POMGNT2: variants seen among roughly 807,000 people sequenced by gnomAD.
POMGNT2 encodes protein O-linked-mannose beta-1,4-N-acetylglucosaminyltransferase 2.
In POMGNT2, 32 loss-of-function variants were observed where a neutral mutation model predicts 37.8. That is an observed-to-expected ratio of 0.85 (90% CI 0.64 to 1.14). The LOEUF (loss-of-function observed/expected upper bound fraction) is 1.14. POMGNT2 is among the 50% of genes most tolerant of loss of function. The pLI is 0.00. For synonymous variants in POMGNT2, 340 were observed against 336.8 expected, an observed-to-expected ratio of 1.01 and a Z score of -0.10; for missense variants, 705 against 780.6, an observed-to-expected ratio of 0.90 and a Z score of 1.15.
chr3:43,100,532 A>C (rs187611725), intron 1 of POMGNT2, among the ~76,000 whole-genome samples: 41 of 152,370 alleles, frequency 2.7e-4, no homozygotes, highest in Admixed American at 9.8e-4. Context: ...TAAGTTGAAG[A>C]AATCAGGCCC....
intron 1 of POMGNT2, among the ~76,000 whole-genome samples, chr3:43,100,242 C>A (rs183137783): frequency 1.1e-4 from 17 of 151,196 alleles, no homozygotes; most frequent in East Asian, 7.7e-4. Flanking sequence ...CAAAAATATT[C>A]AAAAAAAACT....
rs2125699030 is a variant in POMGNT2 at position 43,079,534 on chromosome 3, G to A, written c.*155C>T. On this transcript the variant is annotated 3_prime_UTR_variant, in exon 2 of 2. Transcript: ENST00000344697. Reference sequence around the variant, plus strand: ...TCCCTTATCTCTAGGGCAAAGAGGAGTGCTGTGACACCACACCCCAGAGAC... The same window carrying A: ...TCCCTTATCTCTAGGGCAAAGAGGAATGCTGTGACACCACACCCCAGAGAC... The A allele has an allele frequency of 1.5e-6, 1 of 651,288 alleles. No homozygotes were observed. Among genetic ancestry groups the A allele is most frequent in the Middle Eastern group, 4.2e-4 (1 of 2,388 alleles). The allele number at this position is 651,288 out of a possible 1,614,324, so 40.3% of individuals were successfully genotyped here.
In POMGNT2 at chr3:43,081,237, T is replaced by C. The variant is rs199992681; in HGVS notation, c.195A>G (p.Thr65=). 195 of 1,613,876 alleles carry C rather than the reference T, an allele frequency of 1.2e-4. 1 individual carries two copies. The highest frequency in any genetic ancestry group is 3.1e-4 in the South Asian group (28 of 91,078). Residue 65 remains threonine (T), a synonymous_variant, in exon 2 of 2, where the codon ACA becomes ACG. Transcript: ENST00000344697. ...GCGTGCGGCCCGTGCACACCATGTG[T>C]GTGCCGCCCTCCATCAGGATCTGCA... The part of the protein sequence containing the change: ...KALQILMEGG[T]HMVCTGRTHT...
rs1559414499 is a variant in POMGNT2, at chr3:43,080,792, G to T, written c.640C>A (p.Pro214Thr). 2 of 1,614,042 alleles carry T rather than the reference G, an allele frequency of 1.2e-6. No homozygotes were observed. The highest frequency in any genetic ancestry group is 1.7e-6 in the Non-Finnish European group (2 of 1,180,012). The change falls in exon 2 of 2, where the codon CCT becomes ACT. Residue 214 changes from proline to threonine, a missense_variant. Physicochemically the swap from Pro to Thr is conservative, Grantham distance 38 (BLOSUM62 -1). Coordinates refer to ENST00000344697, the MANE Select transcript of POMGNT2 (RefSeq NM_032806.6). ...DLYKLLSPKQ[P>T]LLRAQLKTLG... ...GTCTTCAGCTGTGCCCGCAGGAGAG[G>T]CTGCTTGGGGCTGAGCAGCTTGTAG...
intron 1 of POMGNT2, among the ~76,000 whole-genome samples, chr3:43,088,358 G>C (rs902993384): frequency 3.9e-5 from 6 of 152,192 alleles, no homozygotes; most frequent in African/African-American, 1.4e-4. Context: ...CTATGTCATT[G>C]GTGGCACCTT....
chr3:43,095,030 G>C (rs999873074), intron 1 of POMGNT2, among the ~76,000 whole-genome samples: 1 of 152,190 alleles, frequency 6.6e-6, no homozygotes. Flanking sequence ...TCCCTCACAC[G>C]CATACACAGC....
intron 1 of POMGNT2, among the ~76,000 whole-genome samples, chr3:43,100,318 C>A (rs1377399427): frequency 6.6e-6 from 1 of 152,178 alleles, no homozygotes; most frequent in Non-Finnish European, 1.5e-5. Context: ...ATAGCATTTA[C>A]ATTGTATTAG....
chr3:43,101,021 T>C (rs2090014952), intron 1 of POMGNT2, among the ~76,000 whole-genome samples: 1 of 152,196 alleles, frequency 6.6e-6, no homozygotes, highest in Non-Finnish European at 1.5e-5. Flanking sequence ...GCCACTTTAC[T>C]GGAGAAAAGA....
rs755111895 is a variant in POMGNT2, at chr3:43,081,270, C to A, written c.162G>T (p.Pro54=). 4 of 1,613,472 alleles carry A rather than the reference C, an allele frequency of 2.5e-6. No homozygotes were observed. The highest frequency in any genetic ancestry group is 3.4e-6 in the Non-Finnish European group (4 of 1,180,028). ...EPAPALRIDY[P]KALQILMEGG... is the part of the protein sequence containing the mutation. ...CCTCCATCAGGATCTGCAGTGCCTT[C>A]GGGTAGTCGATCCTCAGTGCTGGGG... Residue 54 remains proline, a synonymous_variant, in exon 2 of 2, where the codon CCG becomes CCT. Transcript: ENST00000344697.
Position 43,081,946 on chromosome 3 carries a change from G to A in POMGNT2, c.-105-410C>T, listed in dbSNP as rs535151602. ...GATACGCATGAAGCAGAACTGCTCC[G>A]GCCATGCCCTGTTCTAGTTCAGCTG... On this transcript the variant is annotated intron_variant, in intron 1 of 1. Transcript: ENST00000344697. 2.8e-4 allele frequency among the ~76,000 whole-genome samples: 42 copies of A among 152,358 alleles called. No individual in the cohort carries two copies. The South Asian group carries it at 5.4e-3, about 20-fold the overall frequency.
In POMGNT2 at chr3:43,092,155, T is replaced by A. The variant is rs377431594; in HGVS notation, c.-105-10619A>T. On this transcript the variant is annotated intron_variant, in intron 1 of 1. Transcript: ENST00000344697. ...CCTGGTTTTGATCATTACATTGTGC[T>A]CTGTAAGATGTTATTAGTAGGGGAA... Among the ~76,000 whole-genome samples the A allele has an allele frequency of 1.9e-4, 29 of 152,362 alleles. No homozygotes were observed. In the East Asian group the frequency reaches 5.0e-3, roughly 26 times the overall value.
chr3:43,087,856 A>G (rs2089910714), intron 1 of POMGNT2: 1 of 152,238 alleles, frequency 6.6e-6, no homozygotes, highest in African/African-American at 2.4e-5. Flanking sequence ...AAGTTTGAGG[A>G]TAAAAAGACA....
In POMGNT2 at chr3:43,080,040, C is replaced by G. The variant is rs554801280; in HGVS notation, c.1392G>C (p.Val464=). 4.5e-5 allele frequency: 73 copies of G among 1,613,856 alleles called. No individual in the cohort carries two copies. The East Asian group carries it at 1.3e-3, about 29-fold the overall frequency. Residue 464 remains valine (V), a synonymous_variant, in exon 2 of 2, where the codon GTG becomes GTC. Coordinates refer to ENST00000344697, the MANE Select transcript of POMGNT2 (RefSeq NM_032806.6). ...IPSLIQTIRR[V]VKGRPGPRKQ... ...TCCGTGGTCCTGGCCGGCCCTTCAC[C>G]ACGCGCCGTATGGTTTGAATGAGGG...
intron 1 of POMGNT2, among the ~76,000 whole-genome samples, chr3:43,091,645 TAC>T (rs1025274584): frequency 6.6e-6 from 1 of 152,208 alleles, no homozygotes; most frequent in Admixed American, 6.5e-5. Flanking sequence ...GCATATTAAT[TAC>T]AAAGGTAAAA....
chr3:43,084,473 A>G (rs1264020149), intron 1 of POMGNT2, among the ~76,000 whole-genome samples: 2 of 152,022 alleles, frequency 1.3e-5, no homozygotes, highest in Non-Finnish European at 2.9e-5. Context: ...GTGAAACCCC[A>G]TGTCTACTAA....
chr3:43,091,577 G>C (rs532239476), intron 1 of POMGNT2, among the ~76,000 whole-genome samples: 5 of 152,144 alleles, frequency 3.3e-5, no homozygotes, highest in Non-Finnish European at 5.9e-5. Context: ...AAAATTAGTG[G>C]GTGAAAAAGT....
In POMGNT2 at chr3:43,080,660, G is replaced by C; in HGVS notation, c.772C>G (p.Leu258Val). 1 of 1,614,222 alleles carries C rather than the reference G, an allele frequency of 6.2e-7. No individual in the cohort carries two copies. Among genetic ancestry groups the C allele is most frequent in the South Asian group, 1.1e-5 (1 of 91,084 alleles). Residue 258 changes from leucine (L) to valine (V), a missense_variant, in exon 2 of 2, where the codon CTC (leucine) becomes GTC (valine). Transcript: ENST00000344697. Reference protein sequence around the residue: ...VQPQGPKANILVSGNEIRQFA... With the variant: ...VQPQGPKANIVVSGNEIRQFA... ...TGCCGGATCTCATTGCCTGAGACGA[G>C]GATGTTGGCCTTCGGGCCCTGGGGC...
At position 43,092,002 on chromosome 3, in the gene POMGNT2, C is replaced by T. The variant is rs143444859; in HGVS notation, c.-105-10466G>A. The stretch of plus-strand genomic sequence containing the variant: ...GGAAGATGGAGGAGCTGCCTCAGAT[C>T]GGAGGAGACTAAAGAGACACAGCAA... On this transcript the variant is annotated intron_variant, in intron 1 of 1. Coordinates refer to ENST00000344697, the MANE Select transcript of POMGNT2 (RefSeq NM_032806.6). Among the ~76,000 whole-genome samples, 437 of 152,270 alleles carry T rather than the reference C, an allele frequency of 2.9e-3. 4 individuals carry two copies. Among genetic ancestry groups the T allele is most frequent in the African/African-American group, 0.01 (419 of 41,562 alleles).
chr3:43,080,838 G>A lies in POMGNT2; in HGVS notation c.594C>T (p.Gly198=), dbSNP rs766704217. 4.5e-5 allele frequency: 72 copies of A among 1,613,884 alleles called. No homozygotes were observed. Among genetic ancestry groups the A allele is most frequent in the East Asian group, 6.7e-5 (3 of 44,880 alleles). ...TGTAGAGGTCGAAGTGTGCACCCTC[G>A]CCCCAGCCCTCCATGAAGAAGAGCC... ...EARLFFMEGW[G]EGAHFDLYKL... The change falls in exon 2 of 2, where the codon GGC becomes GGT. Residue 198 remains glycine, a synonymous_variant. Transcript: ENST00000344697.
Sources: allele counts gnomAD v4.1 joint callset (sites outside exome capture counted in the v4.1 genomes callset), GRCh38; gene constraint gnomAD v4.1.1; transcripts MANE v1.5; gene names NCBI Gene and HGNC (gene_info 2026-07-23, HGNC 2026-07-21).